ZNF582: variants seen among roughly 807,000 people sequenced by gnomAD.
The protein encoded by ZNF582 is zinc finger protein 582.
In ZNF582, 14 loss-of-function variants were observed where a neutral mutation model predicts 12.3. The ratio of observed to expected loss-of-function variants is 1.14; its 90% CI spans 0.75 to 1.78. The LOEUF (loss-of-function observed/expected upper bound fraction) is 1.78, where lower values mean the gene tolerates loss of function less well. ZNF582 is among the 40% of genes most tolerant of loss of function. ZNF582 has a pLI of 0.00. For synonymous variants in ZNF582, 210 were observed against 207.2 expected, an observed-to-expected ratio of 1.01 and a Z score of -0.11; for missense variants, 567 against 616.5, an observed-to-expected ratio of 0.92 and a Z score of 0.85.
exon 5 of ZNF582, chr19:56,384,320 G>A (rs1158473279): frequency 6.2e-7 from 1 of 1,613,674 alleles, no homozygotes; most frequent in East Asian, 2.2e-5. Flanking sequence ...GCACTCATAG[G>A]GTTTCTCACC....
At chr19:56,391,683 G>A (rs560389675) in intron 2 of ZNF582, 61 bp downstream of exon 2, 29 of 1,512,370 alleles carry the variant, frequency 1.9e-5, no homozygotes, top group Non-Finnish European at 2.4e-5. Context: ...TTTCTGGATG[G>A]AACCCAGGTG....
At chr19:56,391,477 T>G (rs2042013417) in intron 2 of ZNF582, among the ~76,000 whole-genome samples, 1 of 152,196 alleles carries the variant, frequency 6.6e-6, no homozygotes, top group Non-Finnish European at 1.5e-5. Context: ...CTCTTCAAAC[T>G]TCAGTTCTTA....
At chr19:56,384,050 C>T (rs1234474126) in exon 5 of ZNF582, 1 of 1,612,106 alleles carries the variant, frequency 6.2e-7, no homozygotes, top group Admixed American at 1.7e-5. Flanking sequence ...GGTCTTCTCA[C>T]ATTCCTTATA....
rs757387508 is a variant in ZNF582, at chr19:56,384,163, T to C, written c.1254A>G (p.Thr418=). 6.9e-6 allele frequency: 11 copies of C among 1,599,330 alleles called. No individual in the cohort carries two copies. The East Asian group carries it at 2.3e-4, about 33-fold the overall frequency. The change falls in exon 5 of 5, where the codon ACA becomes ACG. Residue 418 remains threonine, a synonymous_variant. Transcript: ENST00000586929. ...CCTTACATTCATATGGCTTTTCACC[T>C]GTATGAATTCTGTAATGTACAGTAA...
intron 1 of ZNF582, among the ~76,000 whole-genome samples, chr19:56,392,135 G>A (rs370372391): frequency 4.3e-4 from 65 of 152,338 alleles, no homozygotes; most frequent in African/African-American, 1.5e-3. Flanking sequence ...GTTACCTCAA[G>A]GACAAGGAGG....
At chr19:56,391,823 G>A (rs1343583739) in exon 2 of ZNF582, 6 of 1,613,974 alleles carry the variant, frequency 3.7e-6, no homozygotes, top group Middle Eastern at 1.7e-4. Context: ...AGAGTCCTGC[G>A]ACGGTAGAGC....
chr19:56,384,993 T>C (rs768759613), exon 5 of ZNF582: 8 of 1,614,164 alleles, frequency 5.0e-6, no homozygotes, highest in South Asian at 1.1e-5. Context: ...CTGATGATCA[T>C]CTGATGGAAA....
chr19:56,391,535 C>CAG (rs1180460354), intron 2 of ZNF582, among the ~76,000 whole-genome samples: 1 of 152,160 alleles, frequency 6.6e-6, no homozygotes, highest in East Asian at 1.9e-4. Flanking sequence ...CTCCTCCTAG[C>CAG]AGACGAAAAC....
exon 1 of ZNF582, chr19:56,393,359 C>A (rs1217778999): frequency 1.1e-6 from 1 of 941,798 alleles, no homozygotes; most frequent in Non-Finnish European, 1.5e-6. Flanking sequence ...CGTCTGCGTT[C>A]TTCTCAGGCC....
intron 2 of ZNF582, among the ~76,000 whole-genome samples, chr19:56,391,382 A>T (rs2147518882): frequency 6.6e-6 from 1 of 152,314 alleles, no homozygotes; most frequent in South Asian, 2.1e-4. Flanking sequence ...AAAGCAGGAC[A>T]CTGTACCATG....
intron 1 of ZNF582, among the ~76,000 whole-genome samples, chr19:56,392,671 C>A (rs944723117): frequency 6.6e-6 from 1 of 152,128 alleles, no homozygotes; most frequent in Non-Finnish European, 1.5e-5. Context: ...TGAGAACATT[C>A]AGCAAAAAGA....
chr19:56,385,233 TAAAG>T, intron 4 of ZNF582, 49 bp from the exon 5 acceptor site: 1 of 1,498,022 alleles, frequency 6.7e-7, no homozygotes, highest in South Asian at 1.3e-5. Context: ...TTTTTCCAGA[TAAAG>T]GAACTAAAAT....
At chr19:56,389,446 G>C (rs757591772) in intron 4 of ZNF582, among the ~76,000 whole-genome samples, 1 of 152,104 alleles carries the variant, frequency 6.6e-6, no homozygotes, top group East Asian at 1.9e-4. Context: ...AATACTGCAT[G>C]TTCTCACTTA....
At chr19:56,384,647 C>A (rs1214534452) in exon 5 of ZNF582, 1 of 1,614,068 alleles carries the variant, frequency 6.2e-7, no homozygotes, top group African/African-American at 1.3e-5. Flanking sequence ...ACAATCTTTA[C>A]ATTCATACGG....
chr19:56,393,364 C>T, exon 1 of ZNF582: 1 of 920,798 alleles, frequency 1.1e-6, no homozygotes, highest in Non-Finnish European at 1.5e-6. Context: ...GCGTTCTTCT[C>T]AGGCCTGAGA....
intron 4 of ZNF582, among the ~76,000 whole-genome samples, chr19:56,388,685 C>T (rs7254900): frequency 0.047 from 7,138 of 152,082 alleles, 533 homozygotes; most frequent in African/African-American, 0.15. Flanking sequence ...CCAGCTGGAG[C>T]GCAGTGGTTC....
exon 5 of ZNF582, chr19:56,384,594 G>C (rs765568824): frequency 1.9e-6 from 3 of 1,613,690 alleles, no homozygotes; most frequent in Non-Finnish European, 2.5e-6. Flanking sequence ...GTGTGAGTTC[G>C]CTGATGTTCA....
chr19:56,391,683 G>T, intron 2 of ZNF582, 61 bp downstream of exon 2: 2 of 1,512,368 alleles, frequency 1.3e-6, no homozygotes, highest in Non-Finnish European at 1.8e-6. Context: ...TTTCTGGATG[G>T]AACCCAGGTG....
intron 4 of ZNF582, among the ~76,000 whole-genome samples, chr19:56,389,381 T>C (rs905425538): frequency 2.6e-5 from 4 of 152,164 alleles, no homozygotes; most frequent in African/African-American, 7.2e-5. Context: ...TGCAGGGACA[T>C]GGATGGAGCT....
Sources: gnomAD v4.1 joint callset for allele counts (sites outside exome capture counted in the v4.1 genomes callset) on GRCh38, gnomAD v4.1.1 for gene constraint, MANE v1.5 for transcripts, NCBI Gene and HGNC (gene_info 2026-07-23, HGNC 2026-07-21) for gene names.